The following DNAJC10 variants were observed in gnomAD, a reference collection of about 807,000 sequenced individuals.
DNAJC10 encodes endoplasmic reticulum disulfide reductase DNAJC10.
Under a neutral mutation model 115.0 loss-of-function variants are expected in DNAJC10, and 101 were observed. That is an observed-to-expected ratio of 0.88 (90% CI 0.75 to 1.04). The LOEUF is 1.04. Ranked by LOEUF, DNAJC10 falls within the 50% of genes least tolerant of loss-of-function variation. The probability of loss-of-function intolerance (pLI) is 0.00; values close to 1 mark genes in which losing one functional copy is unlikely to be tolerated. For missense variants in DNAJC10, 981 were observed against 928.8 expected (o/e 1.06, Z -0.73); for synonymous variants, 307 against 301.5 (o/e 1.02, Z -0.19).
At position 182,718,286 on chromosome 2, in the gene DNAJC10, AC is replaced by A. The variant is rs778159025; in HGVS notation, c.203del (p.Pro68ArgfsTer11). ...GCATTGAAGTTACATCCTGATAAAA[AC>A]CCGGTAGGTAAACGTTTGTTTTTAA... Reference protein sequence around the residue: ...KLALKLHPDKNPNNPNAHGDF... With the variant: ...KLALKLHPDKXPNNPNAHGDF... On this transcript the variant is annotated frameshift_variant, in exon 3 of 24. Transcript: ENST00000264065. LOFTEE classifies it high-confidence loss of function. 2 of 1,591,052 alleles carry A rather than the reference AC, an allele frequency of 1.3e-6. No individual in the cohort carries two copies. The highest frequency in any genetic ancestry group is 2.7e-5 in the African/African-American group (2 of 73,958).
intron 23 of DNAJC10, among the ~76,000 whole-genome samples, chr2:182,776,421 C>G (rs1454700016): frequency 6.6e-6 from 1 of 152,080 alleles, no homozygotes; most frequent in African/African-American, 2.4e-5. Context: ...GTAGATCATA[C>G]TTAAAAACAG....
chr2:182,766,969 C>A (rs766452059), intron 22 of DNAJC10, among the ~76,000 whole-genome samples: 8 of 152,022 alleles, frequency 5.3e-5, no homozygotes, highest in Non-Finnish European at 8.8e-5. Flanking sequence ...CTGTCCTTAT[C>A]CTCACTAGAA....
At chr2:182,739,254 T>C (rs562531107) in intron 11 of DNAJC10, among the ~76,000 whole-genome samples, 12,089 of 130,352 alleles carry the variant, frequency 0.093, 1,667 homozygotes, top group African/African-American at 0.37. Flanking sequence ...ATATATCTCA[T>C]ATATATATAT....
chr2:182,728,529 A>G, intron 5 of DNAJC10, 47 bp from the exon 6 acceptor site: 1 of 1,406,630 alleles, frequency 7.1e-7, no homozygotes. Context: ...ATATGCATGA[A>G]CCTTTAATAA....
rs771779776 is a variant in DNAJC10 at position 182,737,633 on chromosome 2, A to ATG, written c.987+1257_987+1258dup. ...TGTGTGTGTGTGCTTGTGTATGTAT[A>ATG]TGTGTGTGTGTACATACTTACATAT... On this transcript the variant is annotated intron_variant, in intron 11 of 23. Transcript: ENST00000264065. 2.6e-5 allele frequency among the ~76,000 whole-genome samples: 4 copies of ATG among 152,122 alleles called. No individual in the cohort carries two copies. The South Asian group carries it at 6.2e-4, about 24-fold the overall frequency.
At chr2:182,748,522 G>C (rs1377472472) in intron 14 of DNAJC10, among the ~76,000 whole-genome samples, 1 of 152,190 alleles carries the variant, frequency 6.6e-6, no homozygotes, top group Non-Finnish European at 1.5e-5. Flanking sequence ...TTGCGTAGAG[G>C]TGTTTGTAGT....
At chr2:182,765,690 G>A (rs1694392976) in intron 22 of DNAJC10, among the ~76,000 whole-genome samples, 1 of 152,126 alleles carries the variant, frequency 6.6e-6, no homozygotes, top group Admixed American at 6.6e-5. Flanking sequence ...AACAGGTCCT[G>A]TTCTCGAAAA....
At chr2:182,722,548 A>AATAAT (rs55651671) in intron 5 of DNAJC10, among the ~76,000 whole-genome samples, 97,390 of 151,476 alleles carry the variant, frequency 0.64, 31,602 homozygotes, top group Middle Eastern at 0.73. Flanking sequence ...TTTGTACAGT[A>AATAAT]ATAATAGGTT....
intron 21 of DNAJC10, among the ~76,000 whole-genome samples, chr2:182,761,348 CACTT>C (rs775377352): frequency 1.2e-4 from 18 of 152,070 alleles, no homozygotes; most frequent in East Asian, 5.8e-4. Flanking sequence ...ATGACATAGA[CACTT>C]ACGAAATTAA....
chr2:182,737,282 T>C (rs1693608660), intron 11 of DNAJC10, among the ~76,000 whole-genome samples: 1 of 152,164 alleles, frequency 6.6e-6, no homozygotes, highest in Non-Finnish European at 1.5e-5. Context: ...CAAAAGAAAG[T>C]AAGGACTGTG....
rs1433339481 is a variant in DNAJC10, at chr2:182,792,061, A to G, written c.*14929A>G. 6.6e-6 allele frequency: 1 copy of G among 152,176 alleles called. No individual in the cohort carries two copies. Among genetic ancestry groups the G allele is most frequent in the African/African-American group, 2.4e-5 (1 of 41,458 alleles). The allele number at this position is 152,176 out of a possible 1,614,324, so 9.4% of individuals were successfully genotyped here. A position where few individuals can be genotyped will look rare whatever the true frequency, so the allele number is the denominator to read the frequency against. Reference sequence around the variant, plus strand: ...CCTGTCCTAGAGTGCATGAACTTTCAAAGCCAGGACACAATCTTGTTCACT... The same window carrying G: ...CCTGTCCTAGAGTGCATGAACTTTCGAAGCCAGGACACAATCTTGTTCACT... On this transcript the variant is annotated 3_prime_UTR_variant, in exon 24 of 24. Transcript: ENST00000264065.
Position 182,718,153 on chromosome 2 carries a change from A to T in DNAJC10, c.67A>T (p.Ile23Leu). ...GAAAAGGATCATTCTCTGTTTTCTG[A>T]TAGTGTATATGGCCATTTTAGTGGG... is the stretch of plus-strand genomic sequence containing the variant. ...DLKRIILCFLIVYMAILVGTD... is the reference protein window; with the variant it reads ...DLKRIILCFLLVYMAILVGTD... Residue 23 changes from isoleucine to leucine, a missense_variant, in exon 3 of 24, where the codon ATA (isoleucine) becomes TTA (leucine). By Grantham distance (5) the Ile-to-Leu change is conservative (BLOSUM62 2). Coordinates refer to ENST00000264065, the MANE Select transcript of DNAJC10 (RefSeq NM_018981.4). 6.2e-7 allele frequency: 1 copy of T among 1,613,392 alleles called. No homozygotes were observed. Among genetic ancestry groups the T allele is most frequent in the South Asian group, 1.1e-5 (1 of 90,956 alleles).
intron 5 of DNAJC10, among the ~76,000 whole-genome samples, chr2:182,727,441 AC>A (rs1693318514): frequency 6.6e-6 from 1 of 152,102 alleles, no homozygotes; most frequent in Non-Finnish European, 1.5e-5. Flanking sequence ...TAATATTTTT[AC>A]CTAAATTTGT....
intron 22 of DNAJC10, among the ~76,000 whole-genome samples, chr2:182,771,296 G>C (rs923366664): frequency 6.6e-6 from 1 of 151,866 alleles, no homozygotes; most frequent in African/African-American, 2.4e-5. Context: ...CCCTTTTTTT[G>C]TTGTGTCTCT....
At chr2:182,759,014 T>C in intron 20 of DNAJC10, 124 bp downstream of exon 20, 1 of 1,036,410 alleles carries the variant, frequency 9.6e-7, no homozygotes, top group Non-Finnish European at 1.4e-6. Context: ...TAGTAAAGTA[T>C]TATATTAACC....
intron 8 of DNAJC10, chr2:182,730,627 T>A (rs1019613838): frequency 2.3e-6 from 1 of 433,694 alleles, no homozygotes; most frequent in Non-Finnish European, 4.6e-6. Context: ...ATCCAATCTG[T>A]CATGAAAATG....
At position 182,765,088 on chromosome 2, in the gene DNAJC10, G is replaced by A. The variant is rs533592438; in HGVS notation, c.2265+2287G>A. Among the ~76,000 whole-genome samples, 12 of 152,266 alleles carry A rather than the reference G, an allele frequency of 7.9e-5. No homozygotes were observed. The East Asian group carries it at 2.3e-3, about 29-fold the overall frequency. On this transcript the variant is annotated intron_variant, in intron 22 of 23. Transcript: ENST00000264065. ...GCATATAGGAAGATCAGGCACTTGT[G>A]TAGCTTCATTAGAGACCTCAGTAAG...
intron 10 of DNAJC10, chr2:182,732,764 A>T: frequency 1.9e-6 from 1 of 533,948 alleles, no homozygotes; most frequent in Non-Finnish European, 3.3e-6. Context: ...TTTACTTTGT[A>T]AGTATTCTGT....
chr2:182,775,253 C>G, intron 22 of DNAJC10, 63 bp from the exon 23 acceptor site: 1 of 1,046,006 alleles, frequency 9.6e-7, no homozygotes, highest in Non-Finnish European at 1.4e-6. Flanking sequence ...AATCAAGTTT[C>G]TTAGGTGGAA....
Sources: allele counts gnomAD v4.1 joint callset (sites outside exome capture counted in the v4.1 genomes callset), GRCh38; gene constraint gnomAD v4.1.1; transcripts MANE v1.5; gene names NCBI Gene and HGNC (gene_info 2026-07-23, HGNC 2026-07-21).